The following NELL2 variants were observed in gnomAD, a reference collection of about 807,000 sequenced individuals.
NELL2 encodes neural EGFL like 2, also known as protein kinase C-binding protein NELL2.
In NELL2, 41 loss-of-function variants were observed where a neutral mutation model predicts 109.6. The ratio of observed to expected loss-of-function variants is 0.37; its 90% CI spans 0.29 to 0.49. The LOEUF is 0.49. Ranked by LOEUF, NELL2 falls within the 20% of genes least tolerant of loss-of-function variation. NELL2 has a pLI of 0.98. For synonymous variants in NELL2, 355 were observed against 344.7 expected (o/e 1.03, Z -0.33); for missense variants, 900 against 1,008.3 (o/e 0.89, Z 1.45).
intron 2 of NELL2, among the ~76,000 whole-genome samples, chr12:44,868,103 C>T (rs1650121792): frequency 9.5e-6 from 1 of 104,746 alleles, no homozygotes; most frequent in African/African-American, 3.8e-5. Context: ...CTAGGTGAAA[C>T]AGTGAGGCTC....
chr12:44,596,060 G>C (rs1201198091), intron 15 of NELL2, among the ~76,000 whole-genome samples: 1 of 152,090 alleles, frequency 6.6e-6, no homozygotes, highest in East Asian at 1.9e-4. Context: ...TCACTTAAAA[G>C]GTATTAGTAT....
At chr12:44,865,747 G>A (rs1944977014) in intron 2 of NELL2, among the ~76,000 whole-genome samples, 1 of 128,178 alleles carries the variant, frequency 7.8e-6, no homozygotes, top group African/African-American at 2.9e-5. Flanking sequence ...GCACCAGCAT[G>A]GCACATGTAT....
rs978433674 is a variant in NELL2 at position 44,546,534 on chromosome 12, T to G, written c.1664-13813A>C. Among the ~76,000 whole-genome samples the G allele has an allele frequency of 8.5e-5, 13 of 152,312 alleles. 2 individuals are homozygous for G. In the South Asian group the frequency reaches 2.7e-3, roughly 32 times the overall value. On this transcript the variant is annotated intron_variant, in intron 15 of 19. Coordinates refer to ENST00000429094, the MANE Select transcript of NELL2 (RefSeq NM_001145108.2). ...GCCAGTAACTCCTTCCAATTAAAAT[T>G]ACATGAAACAGGCTATGTGTTTCTT...
At chr12:44,725,674 T>C (rs1939036591) in intron 9 of NELL2, among the ~76,000 whole-genome samples, 2 of 152,150 alleles carry the variant, frequency 1.3e-5, no homozygotes, top group African/African-American at 4.8e-5. Flanking sequence ...TATGCAGCCA[T>C]AAAAACAATA....
chr12:44,819,036 C>G (rs1395938965), intron 2 of NELL2, among the ~76,000 whole-genome samples: 1 of 152,084 alleles, frequency 6.6e-6, no homozygotes, highest in Non-Finnish European at 1.5e-5. Flanking sequence ...GCCACCGCGC[C>G]CGGCCAGTTC....
At chr12:44,743,626 T>C (rs1188952585) in intron 9 of NELL2, among the ~76,000 whole-genome samples, 2 of 150,598 alleles carry the variant, frequency 1.3e-5, no homozygotes, top group Admixed American at 6.6e-5. Flanking sequence ...AAATGGAAAA[T>C]AAAAAAAGGC....
intron 12 of NELL2, among the ~76,000 whole-genome samples, chr12:44,668,199 A>G (rs1216753709): frequency 6.6e-6 from 1 of 152,130 alleles, no homozygotes; most frequent in Non-Finnish European, 1.5e-5. Flanking sequence ...AATGTCCTAC[A>G]CACTGGGGAA....
intron 9 of NELL2, among the ~76,000 whole-genome samples, chr12:44,739,962 C>A (rs1258763690): frequency 6.6e-6 from 1 of 152,170 alleles, no homozygotes; most frequent in Admixed American, 6.5e-5. Flanking sequence ...ATTTTCATAT[C>A]ATTTGTGGCT....
chr12:44,710,624 T>G (rs1348038995), intron 11 of NELL2, among the ~76,000 whole-genome samples: 1 of 152,166 alleles, frequency 6.6e-6, no homozygotes, highest in Non-Finnish European at 1.5e-5. Flanking sequence ...AAATCTTTAG[T>G]GATGGAAATT....
At chr12:44,662,284 C>T (rs17573542) in intron 13 of NELL2, among the ~76,000 whole-genome samples, 4,478 of 152,154 alleles carry the variant, frequency 0.029, 84 homozygotes, top group Middle Eastern at 0.061. Flanking sequence ...ACTGAAATAA[C>T]CTATAAAGAC....
intron 11 of NELL2, among the ~76,000 whole-genome samples, chr12:44,709,206 C>T (rs1218146751): frequency 6.6e-6 from 1 of 152,108 alleles, no homozygotes; most frequent in Admixed American, 6.6e-5. Context: ...TCTATTTCCC[C>T]TTCTCTTGAA....
intron 2 of NELL2, among the ~76,000 whole-genome samples, chr12:44,855,996 A>C (rs1015372195): frequency 1.3e-5 from 2 of 152,218 alleles, no homozygotes; most frequent in Admixed American, 6.5e-5. Flanking sequence ...AATACAAAAC[A>C]TAAAGTCACG....
At chr12:44,520,762 T>C (rs995144367) in intron 18 of NELL2, among the ~76,000 whole-genome samples, 2 of 152,168 alleles carry the variant, frequency 1.3e-5, no homozygotes, top group African/African-American at 4.8e-5. Context: ...ATCCTAGGAA[T>C]TGATTTCATT....
chr12:44,738,632 G>C (rs1939776660), intron 9 of NELL2, among the ~76,000 whole-genome samples: 1 of 152,076 alleles, frequency 6.6e-6, no homozygotes, highest in Admixed American at 6.5e-5. Context: ...GCAAAGACTA[G>C]AACCATAGAT....
chr12:44,818,775 G>A (rs1415854714), intron 2 of NELL2, among the ~76,000 whole-genome samples: 24 of 113,640 alleles, frequency 2.1e-4, no homozygotes, highest in Admixed American at 6.4e-4. Flanking sequence ...TCGCTCTGTC[G>A]CCCAGGCCGG....
intron 15 of NELL2, among the ~76,000 whole-genome samples, chr12:44,592,681 T>A (rs543900812): frequency 6.6e-6 from 1 of 152,286 alleles, no homozygotes; most frequent in East Asian, 1.9e-4. Flanking sequence ...AGAAGCCTAT[T>A]TATTTTGAGG....
At chr12:44,625,549 G>A (rs1347913493) in intron 13 of NELL2, among the ~76,000 whole-genome samples, 1 of 151,888 alleles carries the variant, frequency 6.6e-6, no homozygotes, top group East Asian at 1.9e-4. Context: ...CCAGAATTTA[G>A]TACTTCATCT....
chr12:44,568,410 C>A (rs1169418916), intron 15 of NELL2, among the ~76,000 whole-genome samples: 1 of 152,074 alleles, frequency 6.6e-6, no homozygotes, highest in Non-Finnish European at 1.5e-5. Context: ...GATTTTAGAT[C>A]TGATATCATG....
intron 9 of NELL2, among the ~76,000 whole-genome samples, chr12:44,768,678 C>T (rs1201088322): frequency 6.6e-6 from 1 of 152,170 alleles, no homozygotes; most frequent in Non-Finnish European, 1.5e-5. Context: ...TTATTCACTA[C>T]AGACTTTCAA....
Sources: allele counts gnomAD v4.1 joint callset (sites outside exome capture counted in the v4.1 genomes callset), GRCh38; gene constraint gnomAD v4.1.1; transcripts MANE v1.5; gene names NCBI Gene and HGNC (gene_info 2026-07-23, HGNC 2026-07-21).